CNKSR3: variants seen among roughly 807,000 people sequenced by gnomAD.
CNKSR3 encodes the protein CNKSR family member 3.
A neutral mutation model predicts 67.7 loss-of-function variants in CNKSR3; 36 were observed. The observed-to-expected ratio is 0.53, with a 90% CI of 0.41 to 0.70. The LOEUF is 0.70. Ranked by LOEUF, CNKSR3 falls within the 30% of genes least tolerant of loss-of-function variation. The pLI is 0.00. For synonymous variants in CNKSR3, 281 were observed against 271.4 expected, an observed-to-expected ratio of 1.04 and a Z score of -0.35; for missense variants, 630 against 695.2, an observed-to-expected ratio of 0.91 and a Z score of 1.05.
At chr6:154,424,579 G>T (rs769587825) in intron 7 of CNKSR3, among the ~76,000 whole-genome samples, 4 of 152,154 alleles carry the variant, frequency 2.6e-5, no homozygotes, top group African/African-American at 9.7e-5. Context: ...GTTGTGACAG[G>T]CTCAACGGGA....
chr6:154,449,666 T>TC (rs1294046872), intron 2 of CNKSR3, among the ~76,000 whole-genome samples: 1 of 152,220 alleles, frequency 6.6e-6, no homozygotes, highest in Non-Finnish European at 1.5e-5. Context: ...CATCATTTTT[T>TC]CCTTATAAAA....
At chr6:154,472,168 A>G (rs1786343517) in intron 1 of CNKSR3, among the ~76,000 whole-genome samples, 1 of 152,178 alleles carries the variant, frequency 6.6e-6, no homozygotes, top group Non-Finnish European at 1.5e-5. Context: ...CCCAAGTATA[A>G]TTTAAAAAAA....
chr6:154,459,426 T>G (rs1378933305), intron 1 of CNKSR3, among the ~76,000 whole-genome samples: 1 of 152,064 alleles, frequency 6.6e-6, no homozygotes, highest in African/African-American at 2.4e-5. Flanking sequence ...CACTGGCCAT[T>G]TTTTGGGGTA....
At chr6:154,501,488 C>T (rs1786993013) in intron 1 of CNKSR3, among the ~76,000 whole-genome samples, 1 of 152,178 alleles carries the variant, frequency 6.6e-6, no homozygotes, top group South Asian at 2.1e-4. Context: ...CCCACCCTCG[C>T]TCTCATGACC....
At chr6:154,464,865 A>G (rs1014316165) in intron 1 of CNKSR3, among the ~76,000 whole-genome samples, 2 of 151,474 alleles carry the variant, frequency 1.3e-5, no homozygotes, top group African/African-American at 4.8e-5. Context: ...CTGTGGGCCC[A>G]GCACTGTGGC....
intron 9 of CNKSR3, among the ~76,000 whole-genome samples, chr6:154,415,006 G>C (rs1209263154): frequency 6.7e-6 from 1 of 148,660 alleles, no homozygotes; most frequent in African/African-American, 2.5e-5. Flanking sequence ...GATGAGATGG[G>C]AGGATTGCTT....
chr6:154,452,420 C>T (rs1785857098), intron 1 of CNKSR3, among the ~76,000 whole-genome samples: 2 of 152,208 alleles, frequency 1.3e-5, no homozygotes, highest in Non-Finnish European at 2.9e-5. Context: ...TCAGATCTCA[C>T]TGAGTACAAA....
At position 154,510,238 on chromosome 6, in the gene CNKSR3, C is replaced by T. The variant is rs1787188830; in HGVS notation, c.-124G>A. The T allele has an allele frequency of 1.8e-6, 2 of 1,130,102 alleles. No homozygotes were observed. Among genetic ancestry groups the T allele is most frequent in the African/African-American group, 3.1e-5 (2 of 65,436 alleles). The allele number at this position is 1,130,102 out of a possible 1,614,324, so 70.0% of individuals were successfully genotyped here. A position where few individuals can be genotyped will look rare whatever the true frequency, so the allele number is the denominator to read the frequency against. On this transcript the variant is annotated 5_prime_UTR_variant, in exon 1 of 13. The change abolishes the stop of an existing upstream ORF in the 5' untranslated region. Transcript: ENST00000607772. ...CTCCCCTGCGCCCGAGCGACTCCGTCAAGACTGCATGGCCGCGGTCAGCCA... is the reference window on the plus strand; with the variant it reads ...CTCCCCTGCGCCCGAGCGACTCCGTTAAGACTGCATGGCCGCGGTCAGCCA...
At chr6:154,499,276 G>C (rs1211791169) in intron 1 of CNKSR3, among the ~76,000 whole-genome samples, 2 of 152,232 alleles carry the variant, frequency 1.3e-5, no homozygotes, top group Non-Finnish European at 2.9e-5. Flanking sequence ...ACTGTGGACA[G>C]GCATTATGAG....
intron 9 of CNKSR3, among the ~76,000 whole-genome samples, chr6:154,419,996 C>T (rs566680205): frequency 2.6e-5 from 4 of 152,102 alleles, no homozygotes; most frequent in African/African-American, 4.8e-5. Context: ...ACAGGAGAAT[C>T]GCTTGAACCT....
Position 154,510,442 on chromosome 6 carries a change from ACGG to A in CNKSR3, c.-331_-329del. 1 of 383,946 alleles carries A rather than the reference ACGG, an allele frequency of 2.6e-6. No homozygotes were observed. Among genetic ancestry groups the A allele is most frequent in the South Asian group, 3.3e-5 (1 of 30,018 alleles). The allele number at this position is 383,946 out of a possible 1,614,324, so 23.8% of individuals were successfully genotyped here. ...CCCAGACCCCTGGCCTCGGCTCGGC[ACGG>A]GAGCCTCCCGGCCCGCGACCACTTC... On this transcript the variant is annotated 5_prime_UTR_variant, in exon 1 of 13. Coordinates refer to ENST00000607772, the MANE Select transcript of CNKSR3 (RefSeq NM_173515.4).
At chr6:154,419,034 T>C (rs1785081003) in intron 9 of CNKSR3, among the ~76,000 whole-genome samples, 1 of 145,382 alleles carries the variant, frequency 6.9e-6, no homozygotes, top group African/African-American at 2.5e-5. Context: ...CTCTCTTGCT[T>C]TTTTTTTTTT....
At chr6:154,418,617 C>G (rs1464019181) in intron 9 of CNKSR3, among the ~76,000 whole-genome samples, 1 of 152,134 alleles carries the variant, frequency 6.6e-6, no homozygotes, top group Non-Finnish European at 1.5e-5. Flanking sequence ...CCATCAATTA[C>G]CTACAAGGAA....
intron 1 of CNKSR3, among the ~76,000 whole-genome samples, chr6:154,487,427 T>C (rs901457928): frequency 5.3e-5 from 8 of 152,180 alleles, no homozygotes; most frequent in African/African-American, 1.9e-4. Context: ...GATGAGCTAG[T>C]TGACTAAACA....
At chr6:154,472,254 T>C (rs1004782032) in intron 1 of CNKSR3, among the ~76,000 whole-genome samples, 2 of 152,202 alleles carry the variant, frequency 1.3e-5, no homozygotes, top group Admixed American at 1.3e-4. Context: ...GTACTATTTA[T>C]AGTGAGATAA....
chr6:154,448,431 G>A (rs1470415512), intron 2 of CNKSR3, among the ~76,000 whole-genome samples: 5 of 61,226 alleles, frequency 8.2e-5, no homozygotes, highest in Non-Finnish European at 1.3e-4. Context: ...AAACACGTTT[G>A]TACAAAAAAA....
At chr6:154,504,190 A>G (rs767809430) in intron 1 of CNKSR3, among the ~76,000 whole-genome samples, 2 of 152,138 alleles carry the variant, frequency 1.3e-5, no homozygotes, top group Non-Finnish European at 2.9e-5. Flanking sequence ...GCTCAAACTA[A>G]TTTACCCAAG....
At chr6:154,415,037 G>T (rs1784989323) in intron 9 of CNKSR3, among the ~76,000 whole-genome samples, 1 of 144,018 alleles carries the variant, frequency 6.9e-6, no homozygotes. Context: ...GGCAGAAGTT[G>T]CAGTGAGCGA....
At chr6:154,508,288 A>G (rs1385696699) in intron 1 of CNKSR3, among the ~76,000 whole-genome samples, 1 of 152,222 alleles carries the variant, frequency 6.6e-6, no homozygotes, top group Non-Finnish European at 1.5e-5. Flanking sequence ...TCATTTCCAC[A>G]TGTAATAAAA....
Sources: gnomAD v4.1 joint callset for allele counts (sites outside exome capture counted in the v4.1 genomes callset) on GRCh38, gnomAD v4.1.1 for gene constraint, MANE v1.5 for transcripts, NCBI Gene and HGNC (gene_info 2026-07-23, HGNC 2026-07-21) for gene names.